DENND1A: variants seen among roughly 807,000 people sequenced by gnomAD.
DENND1A encodes the protein DENN domain containing 1A.
In DENND1A, 51 loss-of-function variants were observed where a neutral mutation model predicts 113.7. The observed-to-expected ratio is 0.45, with a 90% CI of 0.36 to 0.57. The LOEUF is 0.57. DENND1A is among the 20% of genes least tolerant of loss of function. DENND1A has a pLI of 0.00. For synonymous variants in DENND1A, 565 were observed against 570.8 expected, an observed-to-expected ratio of 0.99 and a Z score of 0.14; for missense variants, 1,258 against 1,395.9, an observed-to-expected ratio of 0.90 and a Z score of 1.57.
At chr9:123,766,037 A>G (rs752631046) in intron 4 of DENND1A, among the ~76,000 whole-genome samples, 3 of 152,088 alleles carry the variant, frequency 2.0e-5, no homozygotes, top group Non-Finnish European at 4.4e-5. Flanking sequence ...GTTTCCACAC[A>G]TTTTCAAGGC....
At chr9:123,510,479 A>T (rs1325876467) in intron 13 of DENND1A, among the ~76,000 whole-genome samples, 3 of 152,216 alleles carry the variant, frequency 2.0e-5, no homozygotes, top group Admixed American at 2.0e-4. Context: ...TGCACCTGCC[A>T]TTTTTTGTGA....
chr9:123,495,880 T>C (rs929638434), intron 13 of DENND1A, among the ~76,000 whole-genome samples: 4 of 152,240 alleles, frequency 2.6e-5, no homozygotes, highest in African/African-American at 9.6e-5. Flanking sequence ...TTCATTCTAG[T>C]AATTAGCTGT....
intron 13 of DENND1A, among the ~76,000 whole-genome samples, chr9:123,542,274 C>T (rs10513428): frequency 0.094 from 14,319 of 152,130 alleles, 737 homozygotes; most frequent in Admixed American, 0.15. Flanking sequence ...TCGTTTAAGT[C>T]GAGATTCCCT....
intron 5 of DENND1A, among the ~76,000 whole-genome samples, chr9:123,744,966 G>C (rs1007674963): frequency 2.6e-5 from 4 of 152,038 alleles, no homozygotes; most frequent in African/African-American, 7.2e-5. Context: ...AGGAGAGACA[G>C]GGTTTCACCA....
At chr9:123,615,451 T>C (rs890504569) in intron 10 of DENND1A, among the ~76,000 whole-genome samples, 3 of 152,216 alleles carry the variant, frequency 2.0e-5, no homozygotes, top group South Asian at 2.1e-4. Context: ...ACCTGCTCCC[T>C]AAGGGCTGGC....
At chr9:123,406,290 C>T (rs2043846268) in intron 20 of DENND1A, among the ~76,000 whole-genome samples, 1 of 152,194 alleles carries the variant, frequency 6.6e-6, no homozygotes, top group Non-Finnish European at 1.5e-5. Flanking sequence ...GGCATTCCAC[C>T]AAACTGGCTG....
At chr9:123,462,974 G>A (rs565206188) in intron 13 of DENND1A, among the ~76,000 whole-genome samples, 124 of 152,174 alleles carry the variant, frequency 8.1e-4, no homozygotes, top group African/African-American at 2.6e-3. Context: ...GTCCACCTGC[G>A]TCCTGCAAGT....
At chr9:123,843,511 GT>G in intron 2 of DENND1A, 1 of 271,266 alleles carries the variant, frequency 3.7e-6, no homozygotes, top group Non-Finnish European at 7.4e-6. Context: ...ACAATTTCTA[GT>G]TTTGTAGGAG....
At chr9:123,394,093 G>C (rs1020771823) in intron 21 of DENND1A, among the ~76,000 whole-genome samples, 3 of 151,982 alleles carry the variant, frequency 2.0e-5, no homozygotes, top group Non-Finnish European at 4.4e-5. Flanking sequence ...ATGTGTTCAA[G>C]CGATTCTCCT....
At chr9:123,652,289 A>G (rs2062701057) in intron 8 of DENND1A, 166 bp from the exon 9 acceptor site, 4 of 584,030 alleles carry the variant, frequency 6.8e-6, no homozygotes, top group Non-Finnish European at 6.0e-6. Flanking sequence ...GTGTAAAATC[A>G]TGAAGGGTAA....
intron 11 of DENND1A, among the ~76,000 whole-genome samples, chr9:123,590,601 T>C (rs762142111): frequency 2.6e-5 from 4 of 152,210 alleles, no homozygotes; most frequent in Admixed American, 6.5e-5. Flanking sequence ...AAGTGCAAGA[T>C]AAGTGTTTGT....
chr9:123,815,466 T>A (rs1211788887), intron 2 of DENND1A, among the ~76,000 whole-genome samples: 2 of 152,166 alleles, frequency 1.3e-5, no homozygotes, highest in Non-Finnish European at 2.9e-5. Flanking sequence ...AGAAGGTCAG[T>A]CACTGCAAAC....
intron 13 of DENND1A, among the ~76,000 whole-genome samples, chr9:123,529,575 G>A (rs560122580): frequency 6.6e-5 from 10 of 151,926 alleles, no homozygotes; most frequent in Admixed American, 5.9e-4. Flanking sequence ...CCAAAAGAAC[G>A]TGAAAGATGG....
At chr9:123,524,055 T>C (rs960255987) in intron 13 of DENND1A, among the ~76,000 whole-genome samples, 1 of 152,208 alleles carries the variant, frequency 6.6e-6, no homozygotes, top group Non-Finnish European at 1.5e-5. Context: ...AAGAATCTGC[T>C]GGCATGTCAG....
chr9:123,543,053 C>T (rs1334476254), intron 13 of DENND1A, among the ~76,000 whole-genome samples: 1 of 152,228 alleles, frequency 6.6e-6, no homozygotes, highest in East Asian at 1.9e-4. Context: ...CTCTGCGTCT[C>T]AGGACCACCT....
intron 19 of DENND1A, among the ~76,000 whole-genome samples, chr9:123,423,320 C>T (rs1179833874): frequency 6.6e-6 from 1 of 152,228 alleles, no homozygotes; most frequent in Non-Finnish European, 1.5e-5. Context: ...ATTAGGAAAT[C>T]TCTCCCTCCC....
chr9:123,479,280 G>A (rs891217196), intron 13 of DENND1A, among the ~76,000 whole-genome samples: 4 of 152,250 alleles, frequency 2.6e-5, no homozygotes, highest in African/African-American at 9.6e-5. Flanking sequence ...CAACATGATC[G>A]CCTCTCATTT....
intron 13 of DENND1A, among the ~76,000 whole-genome samples, chr9:123,505,171 A>G (rs992315136): frequency 3.3e-5 from 5 of 152,236 alleles, no homozygotes; most frequent in Admixed American, 2.6e-4. Flanking sequence ...GAGATATTCT[A>G]TATGGACAGA....
At chr9:123,445,707 C>T (rs530724031) in intron 18 of DENND1A, among the ~76,000 whole-genome samples, 19 of 152,210 alleles carry the variant, frequency 1.2e-4, no homozygotes, top group Admixed American at 1.2e-3. Flanking sequence ...CCCGTCTCTA[C>T]AAAAATACAA....
Sources: allele counts gnomAD v4.1 joint callset (sites outside exome capture counted in the v4.1 genomes callset), GRCh38; gene constraint gnomAD v4.1.1; transcripts MANE v1.5; gene names NCBI Gene and HGNC (gene_info 2026-07-23, HGNC 2026-07-21).